The following NAA11 variants were observed in gnomAD, a reference collection of about 807,000 sequenced individuals.
NAA11 encodes the protein N-alpha-acetyltransferase 11, NatA catalytic subunit.
Under a neutral mutation model 16.1 loss-of-function variants are expected in NAA11, and 15 were observed. The observed-to-expected ratio is 0.93, with a 90% CI of 0.62 to 1.44. The LOEUF (loss-of-function observed/expected upper bound fraction) is 1.44, where lower values mean the gene tolerates loss of function less well. NAA11 is among the 40% of genes most tolerant of loss of function. NAA11 has a pLI of 0.00. For missense variants in NAA11, 298 were observed against 291.3 expected, an observed-to-expected ratio of 1.02 and a Z score of -0.17; for synonymous variants, 122 against 112.4, an observed-to-expected ratio of 1.09 and a Z score of -0.54.
the NAA11 span, among the ~76,000 whole-genome samples, chr4:79,192,475 G>A: frequency 4.1e-3 from 608 of 146,516 alleles, 2 homozygotes; most frequent in African/African-American, 0.015. Flanking sequence ...GAGAACATGC[G>A]GTGTTTGGTT....
chr4:79,215,297 C>A, the NAA11 span, among the ~76,000 whole-genome samples: 4 of 152,156 alleles, frequency 2.6e-5, no homozygotes, highest in Admixed American at 2.6e-4. Context: ...CAGGGTAGTT[C>A]TCTGGGTAGT....
the NAA11 span, among the ~76,000 whole-genome samples, chr4:79,176,242 T>G: frequency 6.6e-6 from 1 of 152,182 alleles, no homozygotes; most frequent in African/African-American, 2.4e-5. Context: ...ATGCAGATAA[T>G]ATCTAAAAAT....
intron 1 of NAA11, among the ~76,000 whole-genome samples, chr4:79,309,719 T>TC (rs1323281665): frequency 1.6e-4 from 22 of 136,102 alleles, no homozygotes; most frequent in East Asian, 4.3e-4. Flanking sequence ...TTTTTCTTTT[T>TC]TTTTTTTTTT....
intron 1 of NAA11, among the ~76,000 whole-genome samples, chr4:79,303,077 T>C (rs1463596607): frequency 3.2e-4 from 1 of 3,096 alleles, no homozygotes; most frequent in South Asian, 0.017. Flanking sequence ...TGAGGCCTTT[T>C]ATATATATAT....
chr4:79,165,141 G>A, the NAA11 span, among the ~76,000 whole-genome samples: 1 of 152,194 alleles, frequency 6.6e-6, no homozygotes, highest in South Asian at 2.1e-4. Flanking sequence ...CCATTTATCA[G>A]TTTCTATTTA....
intron 1 of NAA11, among the ~76,000 whole-genome samples, chr4:79,309,877 G>A (rs138334235): frequency 1.3e-5 from 2 of 151,922 alleles, no homozygotes; most frequent in African/African-American, 2.4e-5. Context: ...CACCACGCCC[G>A]GCTAATCTTT....
intron 2 of NAA11, among the ~76,000 whole-genome samples, chr4:79,243,835 A>G (rs1384501990): frequency 1.3e-5 from 2 of 152,228 alleles, no homozygotes; most frequent in Non-Finnish European, 2.9e-5. Flanking sequence ...GTACATGAAT[A>G]TCAAAGAGGA....
intron 2 of NAA11, among the ~76,000 whole-genome samples, chr4:79,252,694 C>T (rs1722022198): frequency 6.6e-6 from 1 of 152,000 alleles, no homozygotes; most frequent in African/African-American, 2.4e-5. Context: ...TCAGTGAGAA[C>T]AAAGTTGGAG....
intron 2 of NAA11, among the ~76,000 whole-genome samples, chr4:79,265,228 T>G (rs1462220672): frequency 6.6e-6 from 1 of 152,178 alleles, no homozygotes; most frequent in Non-Finnish European, 1.5e-5. Flanking sequence ...CCTCTACTTC[T>G]GTTAATACAA....
chr4:79,198,038 G>C, the NAA11 span, among the ~76,000 whole-genome samples: 5 of 151,876 alleles, frequency 3.3e-5, no homozygotes, highest in Admixed American at 2.0e-4. Context: ...TCTTTATTTG[G>C]AGTTTGCTTT....
rs142440973 is a variant in NAA11 at position 79,255,935 on chromosome 4, G to A, written c.*123-29665C>T. 3.0e-4 allele frequency among the ~76,000 whole-genome samples: 45 copies of A among 152,238 alleles called. No homozygotes were observed. The East Asian group carries it at 7.9e-3, about 27-fold the overall frequency. ...GTAGTAACTTTGGGTCATTGCCATGGAAAGGGGCGGTAACTCCCAGGTGTT... is the reference window on the plus strand; with the variant it reads ...GTAGTAACTTTGGGTCATTGCCATGAAAAGGGGCGGTAACTCCCAGGTGTT... On this transcript the variant is annotated intron_variant and NMD_transcript_variant, in intron 2 of 2. Coordinates refer to the NAA11 transcript ENST00000511542.
At chr4:79,224,553 T>G (rs891086359), downstream of NAA11, among the ~76,000 whole-genome samples, 2 of 152,050 alleles carry the variant, frequency 1.3e-5, no homozygotes, top group Non-Finnish European at 2.9e-5. Flanking sequence ...TGACTTGGAC[T>G]GGGGCCTTCT....
the NAA11 span, among the ~76,000 whole-genome samples, chr4:79,163,522 CATT>C: frequency 4.5e-3 from 681 of 152,312 alleles, 4 homozygotes; most frequent in African/African-American, 0.016. Context: ...TCATTACAAA[CATT>C]AGCATTATAC....
chr4:79,161,098 G>T, the NAA11 span, among the ~76,000 whole-genome samples: 1 of 152,092 alleles, frequency 6.6e-6, no homozygotes, highest in Non-Finnish European at 1.5e-5. Flanking sequence ...CATTTTGAGG[G>T]TTTTCTTTTG....
At chr4:79,220,137 G>C in the NAA11 span, among the ~76,000 whole-genome samples, 1 of 152,228 alleles carries the variant, frequency 6.6e-6, no homozygotes, top group Non-Finnish European at 1.5e-5. Flanking sequence ...CTATCACCCA[G>C]ACTGGAATGC....
At chr4:79,223,383 A>G (rs1721236546), downstream of NAA11, among the ~76,000 whole-genome samples, 1 of 150,564 alleles carries the variant, frequency 6.6e-6, no homozygotes, top group African/African-American at 2.4e-5. Flanking sequence ...TTCTCAGTGA[A>G]CTATCACAAG....
intron 2 of NAA11, among the ~76,000 whole-genome samples, chr4:79,251,864 A>G (rs1414864938): frequency 1.3e-5 from 2 of 152,190 alleles, no homozygotes; most frequent in Non-Finnish European, 2.9e-5. Flanking sequence ...TCATTTTAAA[A>G]ATCCACTCAT....
In NAA11 at chr4:79,263,788, A is replaced by C. The variant is rs1578168750; in HGVS notation, c.*122+30217T>G. Among the ~76,000 whole-genome samples, 3 of 152,056 alleles carry C rather than the reference A, an allele frequency of 2.0e-5. No individual in the cohort carries two copies. In the East Asian group the frequency reaches 5.8e-4, roughly 29 times the overall value. ...TACTCTCACTTTTCTAGACTACTTTACATCTTCTCTCTTCTGAATCCCCAA... is the reference window on the plus strand; with the variant it reads ...TACTCTCACTTTTCTAGACTACTTTCCATCTTCTCTCTTCTGAATCCCCAA... On this transcript the variant is annotated intron_variant and NMD_transcript_variant, in intron 2 of 2. Transcript: ENST00000511542.
the NAA11 span, among the ~76,000 whole-genome samples, chr4:79,202,623 TTATATATATATATATA>T: frequency 9.5e-4 from 50 of 52,638 alleles, 5 homozygotes; most frequent in East Asian, 2.8e-3. Flanking sequence ...ATATATAGTT[TTATATATATATATATA>T]TATATATATA....
Sources: allele counts gnomAD v4.1 joint callset (sites outside exome capture counted in the v4.1 genomes callset), GRCh38; gene constraint gnomAD v4.1.1; transcripts MANE v1.5; gene names NCBI Gene and HGNC (gene_info 2026-07-23, HGNC 2026-07-21).